The following QKI variants were observed in gnomAD, a reference collection of about 807,000 sequenced individuals.
QKI encodes QKI, KH domain containing RNA binding.
Under a neutral mutation model 39.0 loss-of-function variants are expected in QKI, and 10 were observed. The observed-to-expected ratio is 0.26, with a 90% CI of 0.16 to 0.43. The LOEUF is 0.43. Among genes scored for constraint, QKI ranks in the 20% least tolerant of loss-of-function variants. QKI has a pLI of 1.00. For missense variants in QKI, 218 were observed against 428.0 expected, an observed-to-expected ratio of 0.51 and a Z score of 4.33; for synonymous variants, 204 against 155.4, an observed-to-expected ratio of 1.31 and a Z score of -2.33.
chr6:163,563,995 T>C (rs1783194434), intron 6 of QKI: 2 of 1,264,434 alleles, frequency 1.6e-6, no homozygotes, highest in Non-Finnish European at 2.0e-6. Flanking sequence ...ACATTTGACA[T>C]TACTGAGGTC....
rs1435453506 is a variant in QKI at position 163,577,830 on chromosome 6, AT to A, written c.*7121del. The stretch of plus-strand genomic sequence containing the variant: ...TGTTACTCATGCACATTGTGTTCTT[AT>A]GTTTACAGAAGTGCTTAAGTGAATG... On this transcript the variant is annotated 3_prime_UTR_variant, in exon 8 of 8. Transcript: ENST00000361752. The A allele has an allele frequency of 6.6e-6, 1 of 152,102 alleles. No homozygotes were observed. The highest frequency in any genetic ancestry group is 1.5e-5 in the Non-Finnish European group (1 of 68,012). The allele number at this position is 152,102 out of a possible 1,614,324, so 9.4% of individuals were successfully genotyped here.
intron 3 of QKI, among the ~76,000 whole-genome samples, chr6:163,505,295 G>A (rs115995416): frequency 5.3e-5 from 8 of 152,180 alleles, no homozygotes; most frequent in South Asian, 2.1e-4. Context: ...CCCCCACACA[G>A]AGTCCCCACT....
At chr6:163,569,569 G>A in intron 7 of QKI, 1 of 1,147,232 alleles carries the variant, frequency 8.7e-7, no homozygotes, top group Middle Eastern at 3.0e-4. Context: ...ATGTGACAAA[G>A]GTTGATTAAG....
At chr6:163,568,969 A>G (rs1182718420) in intron 7 of QKI, 1 of 986,082 alleles carries the variant, frequency 1.0e-6, no homozygotes, top group African/African-American at 1.7e-5. Flanking sequence ...TCGTTTATAT[A>G]TTCCACACTC....
At chr6:163,508,618 C>T (rs986788469) in intron 3 of QKI, among the ~76,000 whole-genome samples, 1 of 151,084 alleles carries the variant, frequency 6.6e-6, no homozygotes, top group Non-Finnish European at 1.5e-5. Context: ...CAAGCTCCAC[C>T]TCCTGAGCTC....
chr6:163,566,277 C>G, intron 6 of QKI: 1 of 1,230,730 alleles, frequency 8.1e-7, no homozygotes, highest in Non-Finnish European at 1.0e-6. Flanking sequence ...AAACCACAAT[C>G]TGTAGGCTTT....
rs1368843682 is a variant in QKI, at chr6:163,572,362, G to A, written c.*1652G>A. ...TGTGATTTTCATTCTAGAAAACAAT[G>A]TTTTAAATCACCCAAATTTAATCAC... On this transcript the variant is annotated 3_prime_UTR_variant, in exon 8 of 8. Coordinates refer to ENST00000361752, the MANE Select transcript of QKI (RefSeq NM_006775.3). 1 of 152,134 alleles carries A rather than the reference G, an allele frequency of 6.6e-6. No individual in the cohort carries two copies. The highest frequency in any genetic ancestry group is 1.5e-5 in the Non-Finnish European group (1 of 68,006). The allele number at this position is 152,134 out of a possible 1,614,324, so 9.4% of individuals were successfully genotyped here.
At chr6:163,523,576 A>G (rs557648937) in intron 3 of QKI, among the ~76,000 whole-genome samples, 17 of 152,318 alleles carry the variant, frequency 1.1e-4, no homozygotes, top group Admixed American at 2.6e-4. Flanking sequence ...ATGAGTTTGT[A>G]GTATGTTAAT....
intron 3 of QKI, among the ~76,000 whole-genome samples, chr6:163,508,504 TTTTC>T (rs142900512): frequency 0.046 from 6,498 of 140,784 alleles, 155 homozygotes; most frequent in African/African-American, 0.054. Flanking sequence ...TTTCTTTTTC[TTTTC>T]TTTCTTTCTT....
intron 2 of QKI, among the ~76,000 whole-genome samples, chr6:163,465,624 C>T: frequency 8.3e-6 from 1 of 121,072 alleles, no homozygotes; most frequent in African/African-American, 3.6e-5. Context: ...GCAAGACTGT[C>T]TCAAAAAAAA....
At chr6:163,498,750 G>A (rs567688108) in intron 3 of QKI, among the ~76,000 whole-genome samples, 103 of 152,134 alleles carry the variant, frequency 6.8e-4, no homozygotes, top group Non-Finnish European at 1.1e-3. Flanking sequence ...AGGTTTGTAC[G>A]TGTGTCTGCT....
rs564999994 is a variant in QKI, at chr6:163,504,312, T to G, written c.402+25416T>G. 1.4e-3 allele frequency among the ~76,000 whole-genome samples: 215 copies of G among 152,328 alleles called. 2 individuals carry two copies. The highest frequency in any genetic ancestry group is 1.7e-3 in the South Asian group (8 of 4,832). On this transcript the variant is annotated intron_variant, in intron 3 of 7. Coordinates refer to ENST00000361752, the MANE Select transcript of QKI (RefSeq NM_006775.3). ...AATGTGATACCTCTAGGTTTGTTCC[T>G]TTTGCTTAGGATTGCTTTTCCTATT...
rs1304548599 is a variant in QKI, at chr6:163,578,235, TA to T, written c.*7526del. The T allele has an allele frequency of 3.3e-5, 5 of 152,200 alleles. No homozygotes were observed. The highest frequency in any genetic ancestry group is 1.2e-4 in the African/African-American group (5 of 41,452). The allele number at this position is 152,200 out of a possible 1,614,324, so 9.4% of individuals were successfully genotyped here. On this transcript the variant is annotated 3_prime_UTR_variant, in exon 8 of 8. Transcript: ENST00000361752. Reference sequence around the variant, plus strand: ...CTTAACTGGATATTAATATAAAGGTTATTACAAGAAAAATGATGAAGAGCAA... The same window carrying T: ...CTTAACTGGATATTAATATAAAGGTTTTACAAGAAAAATGATGAAGAGCAA...
Position 163,571,959 on chromosome 6 carries a change from G to A in QKI, c.*1249G>A, listed in dbSNP as rs569308184. On this transcript the variant is annotated 3_prime_UTR_variant, in exon 8 of 8. Transcript: ENST00000361752. ...TTAATGCATGTTACTCAGTCGCCCAGTATGTGAAAGAAGATATGAGGGAGA... is the reference window on the plus strand; with the variant it reads ...TTAATGCATGTTACTCAGTCGCCCAATATGTGAAAGAAGATATGAGGGAGA... 1.3e-5 allele frequency: 2 copies of A among 152,276 alleles called. No individual in the cohort carries two copies. The highest frequency in any genetic ancestry group is 1.3e-4 in the Admixed American group (2 of 15,296). 9.4% of individuals were successfully genotyped at this position (152,276 alleles called of 1,614,324 possible). A position where few individuals can be genotyped will look rare whatever the true frequency, so the allele number is the denominator to read the frequency against.
At position 163,533,615 on chromosome 6, in the gene QKI, T is replaced by C. The variant is rs184208390; in HGVS notation, c.403-1367T>C. On this transcript the variant is annotated intron_variant, in intron 3 of 7. Transcript: ENST00000361752. ...CTAACAACCTAGCTTTGTAAAGATA[T>C]GACATCATCAAAAAGAATGTAATGT... is the stretch of plus-strand genomic sequence containing the variant. Among the ~76,000 whole-genome samples, 313 of 152,324 alleles carry C rather than the reference T, an allele frequency of 2.1e-3. 3 individuals are homozygous for C. Among genetic ancestry groups the C allele is most frequent in the Admixed American group, 0.016 (243 of 15,296 alleles).
intron 1 of QKI, among the ~76,000 whole-genome samples, chr6:163,423,963 A>G (rs1788204635): frequency 6.6e-6 from 1 of 152,226 alleles, no homozygotes; most frequent in South Asian, 2.1e-4. Flanking sequence ...TATCAGGTAG[A>G]TAACTGAAGA....
chr6:163,433,387 G>T (rs1220852065), intron 1 of QKI, among the ~76,000 whole-genome samples: 1 of 152,144 alleles, frequency 6.6e-6, no homozygotes, highest in East Asian at 1.9e-4. Context: ...TGATTTCAGA[G>T]TCTCTTTAAT....
chr6:163,552,086 A>AT (rs1273244852), intron 4 of QKI, among the ~76,000 whole-genome samples: 1 of 152,146 alleles, frequency 6.6e-6, no homozygotes, highest in Non-Finnish European at 1.5e-5. Flanking sequence ...TGTATATTAT[A>AT]TACTGTATTC....
At chr6:163,474,846 G>C (rs1171377543) in intron 2 of QKI, among the ~76,000 whole-genome samples, 2 of 150,112 alleles carry the variant, frequency 1.3e-5, no homozygotes, top group Non-Finnish European at 3.0e-5. Flanking sequence ...GATTGCTTGA[G>C]GCCAAGAATT....
Sources: allele counts gnomAD v4.1 joint callset (sites outside exome capture counted in the v4.1 genomes callset), GRCh38; gene constraint gnomAD v4.1.1; transcripts MANE v1.5; gene names NCBI Gene and HGNC (gene_info 2026-07-23, HGNC 2026-07-21).